CCDC85A: variants seen among roughly 807,000 people sequenced by gnomAD.
The protein encoded by CCDC85A is coiled-coil domain-containing protein 85A.
In CCDC85A, 38 loss-of-function variants were observed where a neutral mutation model predicts 50.2. The observed-to-expected ratio is 0.76, with a 90% confidence interval of 0.58 to 0.99. CCDC85A has a LOEUF of 0.99. Among genes scored for constraint, CCDC85A ranks in the 50% least tolerant of loss-of-function variants. The pLI, the probability that CCDC85A is intolerant of heterozygous loss-of-function variation, is 0.00. For missense variants in CCDC85A, 820 were observed against 742.0 expected, an observed-to-expected ratio of 1.11 and a Z score of -1.22; for synonymous variants, 366 against 301.4, an observed-to-expected ratio of 1.21 and a Z score of -2.22.
intron 2 of CCDC85A, 133 bp from the exon 3 acceptor site, chr2:56,342,746 A>ATT (rs149233568): frequency 4.2e-4 from 209 of 492,606 alleles, no homozygotes; most frequent in Middle Eastern, 1.2e-3. Flanking sequence ...TCTGGGAGAT[A>ATT]TTTTTTTTTC....
chr2:56,315,117 G>C, intron 2 of CCDC85A, among the ~76,000 whole-genome samples: 1 of 152,252 alleles, frequency 6.6e-6, no homozygotes, highest in East Asian at 1.9e-4. Flanking sequence ...TCGCCACTGG[G>C]AATGTGTTTT....
intron 3 of CCDC85A, among the ~76,000 whole-genome samples, chr2:56,357,619 G>T (rs1675298434): frequency 7.0e-6 from 1 of 142,108 alleles, no homozygotes; most frequent in Non-Finnish European, 1.5e-5. Flanking sequence ...CCCAAGAAGG[G>T]ACATTGTAGG....
intron 1 of CCDC85A, among the ~76,000 whole-genome samples, chr2:56,185,271 CA>C (rs1053338924): frequency 1.2e-4 from 19 of 152,290 alleles, no homozygotes; most frequent in African/African-American, 4.6e-4. Flanking sequence ...GGGGTGAATC[CA>C]GGGGATCTTC....
At chr2:56,330,552 G>T (rs1172509529) in intron 2 of CCDC85A, among the ~76,000 whole-genome samples, 1 of 152,084 alleles carries the variant, frequency 6.6e-6, no homozygotes, top group Non-Finnish European at 1.5e-5. Context: ...GCATGTAGTA[G>T]CACATAGCAC....
At chr2:56,377,952 A>G (rs1278489498) in intron 5 of CCDC85A, among the ~76,000 whole-genome samples, 1 of 151,920 alleles carries the variant, frequency 6.6e-6, no homozygotes, top group South Asian at 2.1e-4. Context: ...TTCAGTACAC[A>G]TAAGTGTCCT....
intron 2 of CCDC85A, among the ~76,000 whole-genome samples, chr2:56,299,200 A>G (rs1372666861): frequency 1.3e-5 from 2 of 152,170 alleles, no homozygotes; most frequent in Non-Finnish European, 1.5e-5. Flanking sequence ...GGCCTAGTGC[A>G]CTTAGAGAAT....
intron 2 of CCDC85A, among the ~76,000 whole-genome samples, chr2:56,299,649 G>T (rs1309494940): frequency 5.9e-5 from 9 of 152,112 alleles, no homozygotes; most frequent in African/African-American, 2.2e-4. Context: ...CATTCCAGCT[G>T]CTGGAATTAC....
chr2:56,327,344 C>T (rs1263001249), intron 2 of CCDC85A, among the ~76,000 whole-genome samples: 1 of 152,112 alleles, frequency 6.6e-6, no homozygotes, highest in East Asian at 1.9e-4. Context: ...CCTGGACAGT[C>T]ACAGAGTTTG....
intron 2 of CCDC85A, among the ~76,000 whole-genome samples, chr2:56,286,732 A>G (rs1000093020): frequency 9.9e-5 from 15 of 151,910 alleles, no homozygotes; most frequent in Non-Finnish European, 5.9e-5. Flanking sequence ...ATTTTTCTTT[A>G]TTATGAGTCA....
At chr2:56,355,215 C>A (rs902880802) in intron 3 of CCDC85A, among the ~76,000 whole-genome samples, 2 of 152,198 alleles carry the variant, frequency 1.3e-5, no homozygotes, top group African/African-American at 2.4e-5. Context: ...AATTCCCCCA[C>A]CCTTACTTGG....
At chr2:56,321,025 A>G (rs1405480772) in intron 2 of CCDC85A, among the ~76,000 whole-genome samples, 1 of 152,166 alleles carries the variant, frequency 6.6e-6, no homozygotes, top group Non-Finnish European at 1.5e-5. Flanking sequence ...TATAAACAGA[A>G]CCAAAGACAA....
In CCDC85A at chr2:56,274,444, A is replaced by G. The variant is rs1404039708; in HGVS notation, c.1241-68435A>G. 2.6e-5 allele frequency among the ~76,000 whole-genome samples: 4 copies of G among 152,342 alleles called. 1 individual carries two copies. In the East Asian group the frequency reaches 7.7e-4, roughly 29 times the overall value. On this transcript the variant is annotated intron_variant, in intron 2 of 5. Transcript: ENST00000407595. ...AGTTCAAAATCCACAGGGCAGGACA[A>G]CAGGCTGGAGGCTCAGGTAGGGTTT...
intron 2 of CCDC85A, among the ~76,000 whole-genome samples, chr2:56,247,842 C>T (rs560509359): frequency 1.3e-5 from 2 of 152,288 alleles, no homozygotes; most frequent in East Asian, 3.9e-4. Flanking sequence ...TACATTGATT[C>T]AAATAAACAA....
chr2:56,266,955 A>G (rs1670476654), intron 2 of CCDC85A, among the ~76,000 whole-genome samples: 1 of 152,130 alleles, frequency 6.6e-6, no homozygotes, highest in Admixed American at 6.5e-5. Context: ...TGCCAGACCC[A>G]TTCCCTACTG....
chr2:56,198,738 A>G (rs72801171), intron 2 of CCDC85A, among the ~76,000 whole-genome samples: 3,067 of 152,324 alleles, frequency 0.02, 52 homozygotes, highest in South Asian at 0.048. Context: ...AATGCTATAA[A>G]TGTAATTTAA....
rs79824066 is a variant in CCDC85A, at chr2:56,210,702, T to C, written c.1240+17262T>C. Among the ~76,000 whole-genome samples, 360 of 152,100 alleles carry C rather than the reference T, an allele frequency of 2.4e-3. 1 individual carries two copies. Among genetic ancestry groups the C allele is most frequent in the Middle Eastern group, 0.01 (3 of 294 alleles). The stretch of plus-strand genomic sequence containing the variant: ...CAGATTCCAGAATTTCCATGTGTTC[T>C]TTTCATGTGTCTTCTGCAACATGGT... On this transcript the variant is annotated intron_variant, in intron 2 of 5. Transcript: ENST00000407595.
At chr2:56,342,626 G>T (rs996108960) in intron 2 of CCDC85A, among the ~76,000 whole-genome samples, 1 of 152,054 alleles carries the variant, frequency 6.6e-6, no homozygotes, top group Non-Finnish European at 1.5e-5. Context: ...ATCGTCAATT[G>T]TGTGTACTAC....
At chr2:56,183,984 C>A (rs1027445707), upstream of CCDC85A, 109 of 985,672 alleles carry the variant, frequency 1.1e-4, no homozygotes, top group Non-Finnish European at 1.3e-4. Context: ...CCCCCACCCT[C>A]CACCCCTTCT....
chr2:56,363,623 G>A (rs559201037), intron 3 of CCDC85A, among the ~76,000 whole-genome samples: 2 of 152,242 alleles, frequency 1.3e-5, no homozygotes, highest in African/African-American at 4.8e-5. Flanking sequence ...GCCAAAGCTA[G>A]GGCAGCAAAC....
Sources: gnomAD v4.1 joint callset for allele counts (sites outside exome capture counted in the v4.1 genomes callset) on GRCh38, gnomAD v4.1.1 for gene constraint, MANE v1.5 for transcripts, NCBI Gene and HGNC (gene_info 2026-07-23, HGNC 2026-07-21) for gene names.